Variants in PCDH15 observed in about 807,000 individuals in gnomAD.
PCDH15 encodes the protein protocadherin related 15, also known as protocadherin-15.
PCDH15 carries 129 observed loss-of-function variants against 178.5 expected under a neutral mutation model. The observed-to-expected ratio is 0.72, with a 90% confidence interval of 0.63 to 0.84. The LOEUF (loss-of-function observed/expected upper bound fraction) is 0.84. PCDH15 is among the 40% of genes least tolerant of loss of function. The pLI, the probability that PCDH15 is intolerant of heterozygous loss-of-function variation, is 0.00. For missense variants in PCDH15, 2,230 were observed against 2,099.9 expected (o/e 1.06, Z -1.21); for synonymous variants, 800 against 732.0 (o/e 1.09, Z -1.50).
chr10:55,135,953 G>T (rs1838185132), intron 2 of PCDH15, among the ~76,000 whole-genome samples: 1 of 152,104 alleles, frequency 6.6e-6, no homozygotes, highest in Non-Finnish European at 1.5e-5. Context: ...TTACGTGTGG[G>T]TTGGGTGCAG....
At chr10:54,509,691 C>T (rs899269692) in intron 3 of PCDH15, among the ~76,000 whole-genome samples, 4 of 152,072 alleles carry the variant, frequency 2.6e-5, no homozygotes, top group African/African-American at 7.2e-5. Flanking sequence ...TTGGTTCCTC[C>T]GGTTTAACTT....
chr10:55,369,186 G>A (rs1277622753), intron 2 of PCDH15, among the ~76,000 whole-genome samples: 1 of 151,848 alleles, frequency 6.6e-6, no homozygotes, highest in Middle Eastern at 3.2e-3. Context: ...TATTGACACA[G>A]AGACTTCTTA....
At chr10:54,953,946 T>C (rs188193975) in intron 2 of PCDH15, among the ~76,000 whole-genome samples, 1 of 151,464 alleles carries the variant, frequency 6.6e-6, no homozygotes, top group African/African-American at 2.4e-5. Flanking sequence ...AATATTTTGA[T>C]AGGATTTTTT....
At chr10:54,427,293 T>C (rs1008083911) in intron 3 of PCDH15, among the ~76,000 whole-genome samples, 1 of 142,926 alleles carries the variant, frequency 7.0e-6, no homozygotes, top group Non-Finnish European at 1.5e-5. Flanking sequence ...TTTTTTTTTT[T>C]TTGAGACTGG....
intron 2 of PCDH15, among the ~76,000 whole-genome samples, chr10:55,477,857 A>C (rs566215747): frequency 6.6e-6 from 1 of 151,870 alleles, no homozygotes; most frequent in Non-Finnish European, 1.5e-5. Context: ...GACTGGTACT[A>C]TGTACTAAGG....
intron 8 of PCDH15, among the ~76,000 whole-genome samples, chr10:54,285,528 T>C (rs2058976823): frequency 6.6e-6 from 1 of 152,058 alleles, no homozygotes; most frequent in South Asian, 2.1e-4. Flanking sequence ...CACAATATCA[T>C]CTCATCCCAA....
At chr10:54,841,333 A>G (rs930352757) in intron 3 of PCDH15, among the ~76,000 whole-genome samples, 1 of 151,900 alleles carries the variant, frequency 6.6e-6, no homozygotes, top group African/African-American at 2.4e-5. Context: ...AAAAGAAGAA[A>G]TAAAGAGAGA....
intron 1 of PCDH15, among the ~76,000 whole-genome samples, chr10:54,759,769 A>G (rs943114141): frequency 3.3e-5 from 5 of 152,190 alleles, no homozygotes; most frequent in African/African-American, 1.2e-4. Context: ...TCTTTAGGGA[A>G]TAGATTCACA....
chr10:55,359,331 T>C (rs1845163580), intron 2 of PCDH15, among the ~76,000 whole-genome samples: 1 of 152,088 alleles, frequency 6.6e-6, no homozygotes, highest in South Asian at 2.1e-4. Flanking sequence ...TTATGCTCCA[T>C]ATTTATCTTC....
chr10:54,559,865 A>AAG (rs1565597218), intron 2 of PCDH15, among the ~76,000 whole-genome samples: 2 of 119,130 alleles, frequency 1.7e-5, no homozygotes, highest in African/African-American at 5.6e-5. Context: ...AAAAAAAAAA[A>AAG]AAAAAAAAAG....
rs112035779 is a variant in PCDH15, at chr10:54,431,579, C to A, written c.158-52637G>T. On this transcript the variant is annotated intron_variant, in intron 3 of 37. Transcript: ENST00000644397. Reference sequence around the variant, plus strand: ...AACCTTTCATGATAAAATGTCTCAACAAACTGTGTTTAGAAGGAACTAACC... The same window carrying A: ...AACCTTTCATGATAAAATGTCTCAAAAAACTGTGTTTAGAAGGAACTAACC... Among the ~76,000 whole-genome samples, 1,223 of 152,138 alleles carry A rather than the reference C, an allele frequency of 8.0e-3. 17 individuals carry two copies. Among genetic ancestry groups the A allele is most frequent in the African/African-American group, 0.028 (1,154 of 41,516 alleles).
chr10:53,830,022 G>T (rs763980119), intron 30 of PCDH15, among the ~76,000 whole-genome samples: 8 of 152,096 alleles, frequency 5.3e-5, no homozygotes, highest in Non-Finnish European at 1.0e-4. Flanking sequence ...AAGGACTATT[G>T]GCTGGGCGCG....
chr10:55,619,883 C>G (rs1010319018), intron 2 of PCDH15, among the ~76,000 whole-genome samples: 2 of 151,974 alleles, frequency 1.3e-5, no homozygotes, highest in African/African-American at 4.8e-5. Flanking sequence ...CACTGGCCAA[C>G]TTTTTATTTA....
intron 1 of PCDH15, among the ~76,000 whole-genome samples, chr10:54,716,474 G>A (rs113477304): frequency 3.9e-5 from 6 of 152,066 alleles, no homozygotes; most frequent in South Asian, 2.1e-4. Context: ...GAGGTCCTTC[G>A]CGTCCCTTGT....
chr10:54,252,025 A>G (rs1371682725), intron 8 of PCDH15, among the ~76,000 whole-genome samples: 3 of 152,114 alleles, frequency 2.0e-5, no homozygotes, highest in Non-Finnish European at 4.4e-5. Flanking sequence ...GAATCTTTCA[A>G]GGGATTCAAG....
At chr10:54,743,231 G>A (rs1354279551) in intron 1 of PCDH15, among the ~76,000 whole-genome samples, 1 of 152,014 alleles carries the variant, frequency 6.6e-6, no homozygotes, top group Non-Finnish European at 1.5e-5. Flanking sequence ...ATATAATAAA[G>A]CAAGATTGTA....
At chr10:54,648,871 G>A (rs1281740548) in intron 2 of PCDH15, among the ~76,000 whole-genome samples, 1 of 152,108 alleles carries the variant, frequency 6.6e-6, no homozygotes, top group Non-Finnish European at 1.5e-5. Context: ...CAGATCATGT[G>A]TGGACAAATC....
At chr10:55,618,442 A>T (rs1843521530) in intron 2 of PCDH15, among the ~76,000 whole-genome samples, 1 of 152,092 alleles carries the variant, frequency 6.6e-6, no homozygotes, top group Non-Finnish European at 1.5e-5. Flanking sequence ...ATAAATATTC[A>T]TATAGTTTAC....
chr10:54,422,068 A>T (rs926328880), intron 3 of PCDH15, among the ~76,000 whole-genome samples: 3 of 151,308 alleles, frequency 2.0e-5, no homozygotes, highest in African/African-American at 4.9e-5. Flanking sequence ...AAATAAATAA[A>T]TAACTTTTAT....
Sources: gnomAD v4.1 joint callset for allele counts (sites outside exome capture counted in the v4.1 genomes callset) on GRCh38, gnomAD v4.1.1 for gene constraint, MANE v1.5 for transcripts, NCBI Gene and HGNC (gene_info 2026-07-23, HGNC 2026-07-21) for gene names.